CDK14: variants seen among roughly 807,000 people sequenced by gnomAD.
CDK14 encodes the protein cyclin dependent kinase 14, also known as cyclin-dependent kinase 14.
In CDK14, 34 loss-of-function variants were observed where a neutral mutation model predicts 60.7. That is an observed-to-expected ratio of 0.56 (90% confidence interval 0.43 to 0.75). The LOEUF (loss-of-function observed/expected upper bound fraction) is 0.75, where lower values mean the gene tolerates loss of function less well. CDK14 is among the 30% of genes least tolerant of loss of function. The probability of loss-of-function intolerance (pLI) is 0.00; values close to 1 mark genes in which losing one functional copy is unlikely to be tolerated. For synonymous variants in CDK14, 197 were observed against 203.7 expected, an observed-to-expected ratio of 0.97 and a Z score of 0.28; for missense variants, 482 against 564.1, an observed-to-expected ratio of 0.85 and a Z score of 1.47.
chr7:90,800,296 T>C (rs1788589138), intron 5 of CDK14, among the ~76,000 whole-genome samples: 1 of 152,202 alleles, frequency 6.6e-6, no homozygotes, highest in African/African-American at 2.4e-5. Context: ...GAACAACTTC[T>C]TTTATTTCAA....
chr7:90,882,008 A>C (rs1233530430), intron 6 of CDK14, among the ~76,000 whole-genome samples: 1 of 152,146 alleles, frequency 6.6e-6, no homozygotes. Context: ...GACCAATGAC[A>C]CTACGAAGAA....
chr7:90,831,116 A>G (rs1789897914), intron 5 of CDK14, among the ~76,000 whole-genome samples: 1 of 152,196 alleles, frequency 6.6e-6, no homozygotes, highest in African/African-American at 2.4e-5. Context: ...AGGTATCTTT[A>G]TAGCAGTACC....
At chr7:90,802,866 C>T (rs1490984938) in intron 5 of CDK14, among the ~76,000 whole-genome samples, 1 of 152,136 alleles carries the variant, frequency 6.6e-6, no homozygotes, top group Non-Finnish European at 1.5e-5. Context: ...GAGTTATCAT[C>T]TCTTATGTCT....
intron 6 of CDK14, among the ~76,000 whole-genome samples, chr7:90,895,378 CT>C (rs1554368218): frequency 0.089 from 523 of 5,854 alleles, 79 homozygotes; most frequent in Middle Eastern, 0.12. Context: ...CCCCTCCCCT[CT>C]CCTCTCCTCT....
intron 1 of CDK14, among the ~76,000 whole-genome samples, chr7:90,599,382 G>A (rs191618524): frequency 9.8e-5 from 15 of 152,352 alleles, no homozygotes; most frequent in Non-Finnish European, 1.6e-4. Context: ...GCCTTAAAAC[G>A]GAGTTAGGCA....
At chr7:90,761,218 C>A (rs1804298846) in intron 4 of CDK14, among the ~76,000 whole-genome samples, 1 of 152,216 alleles carries the variant, frequency 6.6e-6, no homozygotes, top group African/African-American at 2.4e-5. Flanking sequence ...TTATCAGGTT[C>A]TTTGATCATT....
intron 4 of CDK14, among the ~76,000 whole-genome samples, chr7:90,772,843 A>G (rs907463423): frequency 6.6e-6 from 1 of 152,228 alleles, no homozygotes; most frequent in African/African-American, 2.4e-5. Flanking sequence ...CCACAGCGAA[A>G]TAGATGACCA....
intron 4 of CDK14, among the ~76,000 whole-genome samples, chr7:90,766,888 C>T (rs1050993064): frequency 5.9e-5 from 9 of 152,126 alleles, no homozygotes; most frequent in East Asian, 5.8e-4. Flanking sequence ...CCAGCTCTGC[C>T]GCTCTGGCTG....
chr7:90,808,386 A>C (rs1274183479), intron 5 of CDK14, among the ~76,000 whole-genome samples: 1 of 152,204 alleles, frequency 6.6e-6, no homozygotes, highest in Non-Finnish European at 1.5e-5. Flanking sequence ...GTAAAGGAGA[A>C]ATAAAATACT....
At chr7:90,633,095 CA>C (rs10645065) in intron 2 of CDK14, among the ~76,000 whole-genome samples, 14 of 144,786 alleles carry the variant, frequency 9.7e-5, no homozygotes, top group Non-Finnish European at 1.2e-4. Context: ...GATTCTGTCT[CA>C]AAAAAAAAAA....
intron 5 of CDK14, among the ~76,000 whole-genome samples, chr7:90,806,801 C>T (rs145172826): frequency 0.045 from 6,778 of 152,294 alleles, 239 homozygotes; most frequent in Middle Eastern, 0.082. Context: ...TCTTAGCAAA[C>T]GGTACACCAG....
intron 2 of CDK14, among the ~76,000 whole-genome samples, chr7:90,633,202 G>A (rs1800044907): frequency 2.0e-5 from 3 of 152,106 alleles, no homozygotes; most frequent in Non-Finnish European, 4.4e-5. Flanking sequence ...TAAGTATGGA[G>A]ACTTTTGCAT....
intron 9 of CDK14, among the ~76,000 whole-genome samples, chr7:90,972,636 T>C (rs1794962637): frequency 6.6e-6 from 1 of 152,224 alleles, no homozygotes; most frequent in Non-Finnish European, 1.5e-5. Context: ...TTAGGTTAAT[T>C]AATGTGGAAG....
intron 2 of CDK14, among the ~76,000 whole-genome samples, chr7:90,677,569 A>G (rs1801227681): frequency 6.6e-6 from 1 of 152,122 alleles, no homozygotes; most frequent in Non-Finnish European, 1.5e-5. Context: ...TTGTGTATTC[A>G]CTAAAGGAAG....
intron 2 of CDK14, among the ~76,000 whole-genome samples, chr7:90,720,935 C>G: frequency 6.6e-6 from 1 of 152,008 alleles, no homozygotes; most frequent in Non-Finnish European, 1.5e-5. Flanking sequence ...ATCTGAGTCA[C>G]GGGTTGGCAG....
chr7:91,167,638 A>G (rs1801386148), intron 14 of CDK14, among the ~76,000 whole-genome samples: 1 of 152,196 alleles, frequency 6.6e-6, no homozygotes, highest in South Asian at 2.1e-4. Flanking sequence ...TGGATCCCAA[A>G]TGATCCAAGT....
intron 2 of CDK14, among the ~76,000 whole-genome samples, chr7:90,713,469 G>T (rs1443202011): frequency 6.6e-6 from 1 of 150,720 alleles, no homozygotes; most frequent in Non-Finnish European, 1.5e-5. Context: ...CCTCCTAACT[G>T]TTTTTCTGTT....
intron 10 of CDK14, among the ~76,000 whole-genome samples, chr7:91,001,041 G>GT (rs931884734): frequency 3.7e-4 from 56 of 151,806 alleles, no homozygotes; most frequent in Non-Finnish European, 5.9e-4. Context: ...TATTGTTACT[G>GT]TTTTTTTTGT....
intron 9 of CDK14, among the ~76,000 whole-genome samples, chr7:90,983,478 G>A (rs1562856110): frequency 6.6e-6 from 1 of 152,060 alleles, no homozygotes; most frequent in Admixed American, 6.6e-5. Context: ...AGGAGATCGC[G>A]ACCATCCTGG....
Sources: gnomAD v4.1 joint callset for allele counts (sites outside exome capture counted in the v4.1 genomes callset) on GRCh38, gnomAD v4.1.1 for gene constraint, MANE v1.5 for transcripts, NCBI Gene and HGNC (gene_info 2026-07-23, HGNC 2026-07-21) for gene names.